DCC: variants seen among roughly 807,000 people sequenced by gnomAD.
DCC encodes the protein netrin receptor DCC.
Under a neutral mutation model 172.5 loss-of-function variants are expected in DCC, and 58 were observed. The ratio of observed to expected loss-of-function variants is 0.34; its 90% CI spans 0.27 to 0.42. The LOEUF (loss-of-function observed/expected upper bound fraction) is 0.42. Ranked by LOEUF, DCC falls within the 10% of genes least tolerant of loss-of-function variation. The pLI is 1.00. For missense variants in DCC, 1,740 were observed against 1,791.0 expected (o/e 0.97, Z 0.51); for synonymous variants, 709 against 644.5 (o/e 1.10, Z -1.52).
chr18:52,873,058 C>G (rs573751530), intron 2 of DCC, among the ~76,000 whole-genome samples: 1 of 152,298 alleles, frequency 6.6e-6, no homozygotes, highest in African/African-American at 2.4e-5. Flanking sequence ...TGCTGTCAAT[C>G]TCACAATTTG....
At chr18:53,205,711 G>T (rs550524087) in intron 10 of DCC, among the ~76,000 whole-genome samples, 8 of 152,072 alleles carry the variant, frequency 5.3e-5, no homozygotes, top group Non-Finnish European at 1.0e-4. Flanking sequence ...TAGACTAAGG[G>T]GTGATTGCCC....
At chr18:52,687,966 G>T (rs558943186) in intron 1 of DCC, among the ~76,000 whole-genome samples, 1 of 152,030 alleles carries the variant, frequency 6.6e-6, no homozygotes, top group Non-Finnish European at 1.5e-5. Context: ...TGGCTTTTCT[G>T]CTTTGTAAGA....
intron 1 of DCC, among the ~76,000 whole-genome samples, chr18:52,521,027 A>T (rs973766525): frequency 6.6e-6 from 1 of 152,176 alleles, no homozygotes; most frequent in African/African-American, 2.4e-5. Flanking sequence ...TTCAGGCCAA[A>T]AATATACATG....
chr18:53,273,824 T>A (rs1046252006), intron 12 of DCC, among the ~76,000 whole-genome samples: 1 of 151,966 alleles, frequency 6.6e-6, no homozygotes, highest in Non-Finnish European at 1.5e-5. Context: ...CAGTGAGTTA[T>A]CTCAATTGAG....
intron 1 of DCC, among the ~76,000 whole-genome samples, chr18:52,453,982 A>G (rs1287811307): frequency 2.6e-5 from 4 of 152,194 alleles, no homozygotes; most frequent in African/African-American, 9.6e-5. Flanking sequence ...AATCACACCT[A>G]GGAAACGACC....
At chr18:52,567,111 C>A (rs2033178442) in intron 1 of DCC, among the ~76,000 whole-genome samples, 1 of 152,142 alleles carries the variant, frequency 6.6e-6, no homozygotes, top group Non-Finnish European at 1.5e-5. Flanking sequence ...TGATATCCAG[C>A]TGTGTTTTAA....
intron 1 of DCC, among the ~76,000 whole-genome samples, chr18:52,641,852 A>G (rs1336833270): frequency 6.6e-6 from 1 of 151,972 alleles, no homozygotes; most frequent in East Asian, 1.9e-4. Flanking sequence ...TGATCCAGCA[A>G]TCCCACTACT....
At chr18:53,028,560 T>G (rs774708368) in intron 5 of DCC, among the ~76,000 whole-genome samples, 3 of 152,216 alleles carry the variant, frequency 2.0e-5, no homozygotes, top group Non-Finnish European at 4.4e-5. Context: ...AAATCATTAT[T>G]CTAATTCAGG....
chr18:53,147,224 T>A (rs1220989959), intron 7 of DCC, among the ~76,000 whole-genome samples: 5 of 152,216 alleles, frequency 3.3e-5, no homozygotes. Flanking sequence ...ATGAGCTACA[T>A]GAGTGATGAC....
At chr18:52,352,071 T>C (rs1052175636) in intron 1 of DCC, among the ~76,000 whole-genome samples, 6 of 152,294 alleles carry the variant, frequency 3.9e-5, no homozygotes, top group Admixed American at 3.9e-4. Context: ...ACCTCAACTT[T>C]CCCACCTATA....
chr18:52,481,983 A>G (rs1236258913), intron 1 of DCC, among the ~76,000 whole-genome samples: 2 of 152,114 alleles, frequency 1.3e-5, no homozygotes, highest in Non-Finnish European at 2.9e-5. Context: ...ATTTCCTACC[A>G]TATCACTAAC....
At chr18:52,654,149 A>G (rs1400970165) in intron 1 of DCC, among the ~76,000 whole-genome samples, 1 of 152,190 alleles carries the variant, frequency 6.6e-6, no homozygotes, top group East Asian at 1.9e-4. Context: ...CCAATAGAAA[A>G]GCACTTATTA....
chr18:52,804,613 C>T (rs989286165), intron 2 of DCC, among the ~76,000 whole-genome samples: 2 of 152,226 alleles, frequency 1.3e-5, no homozygotes, highest in Non-Finnish European at 2.9e-5. Context: ...TGTCACCAGG[C>T]TGAAGTGCAG....
At chr18:52,928,738 G>C (rs1398208820) in intron 5 of DCC, among the ~76,000 whole-genome samples, 2 of 152,152 alleles carry the variant, frequency 1.3e-5, no homozygotes, top group African/African-American at 4.8e-5. Context: ...TCTGTACCAA[G>C]TGAGAAACAA....
At chr18:52,636,696 C>G (rs554005306) in intron 1 of DCC, among the ~76,000 whole-genome samples, 11 of 152,116 alleles carry the variant, frequency 7.2e-5, no homozygotes, top group Admixed American at 6.5e-4. Context: ...AACTCAGACA[C>G]GCCTAGACTC....
chr18:52,857,912 C>T (rs915198957), intron 2 of DCC, among the ~76,000 whole-genome samples: 1 of 151,950 alleles, frequency 6.6e-6, no homozygotes, highest in Non-Finnish European at 1.5e-5. Context: ...AACTGTTGGT[C>T]GTGAGTTTTT....
At chr18:53,024,369 T>C (rs1353363543) in intron 5 of DCC, among the ~76,000 whole-genome samples, 3 of 152,142 alleles carry the variant, frequency 2.0e-5, no homozygotes, top group Non-Finnish European at 4.4e-5. Context: ...TTTGTTTGCC[T>C]CCCTTGCAAT....
chr18:53,501,934 G>A (rs999688227), intron 27 of DCC, among the ~76,000 whole-genome samples: 3 of 152,098 alleles, frequency 2.0e-5, no homozygotes, highest in African/African-American at 7.2e-5. Flanking sequence ...AACAAAATCT[G>A]ATACAATGCA....
intron 7 of DCC, among the ~76,000 whole-genome samples, chr18:53,091,141 A>G (rs2043002403): frequency 6.6e-6 from 1 of 152,034 alleles, no homozygotes; most frequent in Non-Finnish European, 1.5e-5. Context: ...TAGAGAATAC[A>G]TGGTAAGCTG....
Sources: gnomAD v4.1 joint callset for allele counts (sites outside exome capture counted in the v4.1 genomes callset) on GRCh38, gnomAD v4.1.1 for gene constraint, MANE v1.5 for transcripts, NCBI Gene and HGNC (gene_info 2026-07-23, HGNC 2026-07-21) for gene names.